SHQ1: variants seen among roughly 807,000 people sequenced by gnomAD.
The protein encoded by SHQ1 is protein SHQ1 homolog.
A neutral mutation model predicts 53.8 loss-of-function variants in SHQ1; 49 were observed. The observed-to-expected ratio is 0.91, with a 90% CI of 0.72 to 1.16. The LOEUF is 1.16. SHQ1 is among the 50% of genes most tolerant of loss of function. The probability of loss-of-function intolerance (pLI) is 0.00; values close to 1 mark genes in which losing one functional copy is unlikely to be tolerated. For synonymous variants in SHQ1, 243 were observed against 251.0 expected, an observed-to-expected ratio of 0.97 and a Z score of 0.30; for missense variants, 738 against 683.1, an observed-to-expected ratio of 1.08 and a Z score of -0.90.
the SHQ1 span, among the ~76,000 whole-genome samples, chr3:72,739,958 C>G: frequency 8.5e-5 from 13 of 152,248 alleles, no homozygotes; most frequent in African/African-American, 3.1e-4. Context: ...AAGAGTGTGG[C>G]CTTAGCGCAA....
chr3:72,828,808 C>T (rs1707743478), intron 5 of SHQ1, among the ~76,000 whole-genome samples: 1 of 152,070 alleles, frequency 6.6e-6, no homozygotes, highest in Non-Finnish European at 1.5e-5. Context: ...CAGAGGTAGG[C>T]AGGGTCGGGA....
chr3:72,768,083 A>C (rs998158787), intron 10 of SHQ1, among the ~76,000 whole-genome samples: 12 of 151,940 alleles, frequency 7.9e-5, no homozygotes, highest in African/African-American at 2.9e-4. Context: ...AGCAGGGAGC[A>C]CAGAGCTTGG....
At chr3:72,823,148 C>CAAA (rs772618429) in intron 6 of SHQ1, among the ~76,000 whole-genome samples, 3 of 76,262 alleles carry the variant, frequency 3.9e-5, no homozygotes, top group African/African-American at 9.5e-5. Context: ...GACTCCGTCT[C>CAAA]AAAAAAAAAA....
chr3:72,793,566 T>C (rs892953335), intron 9 of SHQ1: 1 of 151,394 alleles, frequency 6.6e-6, no homozygotes, highest in African/African-American at 2.4e-5. Context: ...TACAGCTGAC[T>C]AGTTGTGGTT....
At chr3:72,768,817 G>GT (rs1705787655) in intron 10 of SHQ1, among the ~76,000 whole-genome samples, 1 of 152,182 alleles carries the variant, frequency 6.6e-6, no homozygotes, top group African/African-American at 2.4e-5. Context: ...GAGCCACCAG[G>GT]TCAAATGCTG....
chr3:72,810,446 T>C (rs1707083843), intron 9 of SHQ1, among the ~76,000 whole-genome samples: 1 of 152,218 alleles, frequency 6.6e-6, no homozygotes, highest in African/African-American at 2.4e-5. Flanking sequence ...TCAGTTATAA[T>C]GAAATATTCT....
At chr3:72,796,183 C>T (rs1706615489) in intron 9 of SHQ1, among the ~76,000 whole-genome samples, 1 of 147,512 alleles carries the variant, frequency 6.8e-6, no homozygotes, top group Admixed American at 6.8e-5. Flanking sequence ...GCAAAGAGTT[C>T]ATGTAAGGAA....
intron 10 of SHQ1, among the ~76,000 whole-genome samples, chr3:72,779,334 G>A (rs985852897): frequency 6.6e-6 from 1 of 152,084 alleles, no homozygotes; most frequent in African/African-American, 2.4e-5. Flanking sequence ...ACCTTTTTTA[G>A]GTTAACTCCT....
rs75213823 is a variant in SHQ1, at chr3:72,754,157, T to C, written c.1182-3321A>G. ...GATGCTCCACTAACATCACTGCACTTGCTCCATTAACCACCTTGTGAATCA... is the reference window on the plus strand; with the variant it reads ...GATGCTCCACTAACATCACTGCACTCGCTCCATTAACCACCTTGTGAATCA... On this transcript the variant is annotated intron_variant, in intron 10 of 10. Coordinates refer to ENST00000325599, the MANE Select transcript of SHQ1 (RefSeq NM_018130.3). 2.0e-3 allele frequency among the ~76,000 whole-genome samples: 307 copies of C among 152,314 alleles called. 3 individuals carry two copies. In the East Asian group the frequency reaches 0.022, roughly 11 times the overall value.
intron 5 of SHQ1, among the ~76,000 whole-genome samples, 188 bp downstream of exon 5, chr3:72,832,181 G>C (rs959422211): frequency 2.0e-5 from 3 of 152,064 alleles, no homozygotes; most frequent in African/African-American, 7.2e-5. Flanking sequence ...AGATATAAGA[G>C]GCAACATCTT....
intron 10 of SHQ1, among the ~76,000 whole-genome samples, chr3:72,770,186 A>G (rs1206936906): frequency 6.6e-6 from 1 of 152,226 alleles, no homozygotes; most frequent in East Asian, 1.9e-4. Context: ...CTGTGTTAAC[A>G]TGTTCTAAAC....
chr3:72,784,449 T>A (rs1706165962), intron 10 of SHQ1, among the ~76,000 whole-genome samples: 1 of 152,198 alleles, frequency 6.6e-6, no homozygotes, highest in Admixed American at 6.5e-5. Flanking sequence ...GAAACCACGC[T>A]GAATGGATCC....
downstream of SHQ1, among the ~76,000 whole-genome samples, chr3:72,744,371 C>T (rs541752773): frequency 2.0e-5 from 3 of 152,342 alleles, no homozygotes; most frequent in Admixed American, 2.0e-4. Context: ...AAGACCCTTC[C>T]CAGAGGTAAA....
chr3:72,817,453 T>C, intron 6 of SHQ1, 69 bp from the exon 7 acceptor site: 1 of 1,407,528 alleles, frequency 7.1e-7, no homozygotes, highest in South Asian at 1.4e-5. Flanking sequence ...GGAAGATTTG[T>C]CAAAATTAGA....
intron 10 of SHQ1, chr3:72,753,448 A>G (rs1442690234): frequency 2.0e-6 from 2 of 985,178 alleles, no homozygotes; most frequent in African/African-American, 3.5e-5. Context: ...CAGCACAATA[A>G]TGAGATTGTG....
At chr3:72,803,094 C>G (rs1440764370) in intron 9 of SHQ1, among the ~76,000 whole-genome samples, 2 of 152,142 alleles carry the variant, frequency 1.3e-5, no homozygotes, top group African/African-American at 4.8e-5. Context: ...GAAAGACACG[C>G]TGGCACTTAG....
At chr3:72,748,837 G>A (rs1164062174), downstream of SHQ1, among the ~76,000 whole-genome samples, 1 of 152,114 alleles carries the variant, frequency 6.6e-6, no homozygotes, top group Non-Finnish European at 1.5e-5. Context: ...GTGTGGTGGA[G>A]CAAGCCTGTG....
intron 10 of SHQ1, among the ~76,000 whole-genome samples, chr3:72,784,021 T>C (rs893555026): frequency 3.3e-5 from 5 of 152,108 alleles, no homozygotes; most frequent in African/African-American, 7.2e-5. Flanking sequence ...GTGACAAATA[T>C]ATCATTCCAA....
rs1419933920 is a variant in SHQ1 at position 72,848,323 on chromosome 3, G to A, written c.18C>T (p.Phe6=). The change falls in exon 1 of 11, where the codon TTC becomes TTT. Residue 6 remains phenylalanine (F), a synonymous_variant. Coordinates refer to ENST00000325599, the MANE Select transcript of SHQ1 (RefSeq NM_018130.3). The part of the protein sequence containing the change: MLTPA[F]DLSQDPDFLT... ...GGAAGTCCGGATCCTGGCTGAGGTC[G>A]AACGCCGGGGTCAGCATCGCCGCAC... The A allele has an allele frequency of 6.2e-7, 1 of 1,614,070 alleles. No individual in the cohort carries two copies. The highest frequency in any genetic ancestry group is 2.2e-5 in the East Asian group (1 of 44,860).
Sources: allele counts gnomAD v4.1 joint callset (sites outside exome capture counted in the v4.1 genomes callset), GRCh38; gene constraint gnomAD v4.1.1; transcripts MANE v1.5; gene names NCBI Gene and HGNC (gene_info 2026-07-23, HGNC 2026-07-21).